Variants in EFCAB11 observed in about 807,000 individuals in gnomAD.
The protein encoded by EFCAB11 is EF-hand calcium binding domain 11.
In EFCAB11, 14 loss-of-function variants were observed where a neutral mutation model predicts 23.0. The ratio of observed to expected loss-of-function variants is 0.61; its 90% confidence interval spans 0.40 to 0.95. EFCAB11 has a LOEUF of 0.95. Among genes scored for constraint, EFCAB11 ranks in the 40% least tolerant of loss-of-function variants. EFCAB11 has a pLI of 0.00. For synonymous variants in EFCAB11, 65 were observed against 66.6 expected, an observed-to-expected ratio of 0.98 and a Z score of 0.11; for missense variants, 198 against 195.8, an observed-to-expected ratio of 1.01 and a Z score of -0.07.
intron 5 of EFCAB11, among the ~76,000 whole-genome samples, chr14:89,881,774 C>T (rs1251682661): frequency 6.6e-6 from 1 of 151,940 alleles, no homozygotes; most frequent in Non-Finnish European, 1.5e-5. Context: ...TCAAATTCTA[C>T]TACCAACTAT....
At chr14:89,871,463 C>T (rs1320757715) in intron 5 of EFCAB11, among the ~76,000 whole-genome samples, 2 of 152,154 alleles carry the variant, frequency 1.3e-5, no homozygotes, top group East Asian at 3.8e-4. Context: ...GGAAGTCTTC[C>T]TGCCTGGAGG....
chr14:89,823,572 A>G (rs185047727), intron 5 of EFCAB11, among the ~76,000 whole-genome samples: 14 of 152,358 alleles, frequency 9.2e-5, no homozygotes, highest in Admixed American at 2.0e-4. Flanking sequence ...ATTACTATAC[A>G]TGCTAAGAAG....
chr14:89,834,424 A>C (rs969920072), intron 5 of EFCAB11, among the ~76,000 whole-genome samples: 1 of 150,732 alleles, frequency 6.6e-6, no homozygotes, highest in Non-Finnish European at 1.5e-5. Flanking sequence ...TAAACTTCTA[A>C]AGATTTGTGA....
intron 3 of EFCAB11, among the ~76,000 whole-genome samples, chr14:89,938,656 T>A (rs1410243913): frequency 6.6e-6 from 1 of 152,114 alleles, no homozygotes; most frequent in East Asian, 1.9e-4. Flanking sequence ...GTGTGATGGC[T>A]CACATCTGTA....
Position 89,794,836 on chromosome 14 carries a change from C to T in EFCAB11, c.*2407G>A, listed in dbSNP as rs1423673500. 6.6e-6 allele frequency: 1 copy of T among 151,828 alleles called. No homozygotes were observed. The highest frequency in any genetic ancestry group is 1.5e-5 in the Non-Finnish European group (1 of 67,966). The allele number at this position is 151,828 out of a possible 1,614,324, so 9.4% of individuals were successfully genotyped here. On this transcript the variant is annotated 3_prime_UTR_variant, in exon 6 of 6. Coordinates refer to ENST00000316738, the MANE Select transcript of EFCAB11 (RefSeq NM_145231.4). Reference sequence around the variant, plus strand: ...AAATTGTGAAAATAGTAGAGGGTTCCCATATACCTCACCCAGTTTCCCCTA... The same window carrying T: ...AAATTGTGAAAATAGTAGAGGGTTCTCATATACCTCACCCAGTTTCCCCTA...
chr14:89,814,321 G>A (rs1886254578), intron 5 of EFCAB11, among the ~76,000 whole-genome samples: 1 of 152,124 alleles, frequency 6.6e-6, no homozygotes, highest in South Asian at 2.1e-4. Context: ...GGGACAAAGG[G>A]CTCTACTGAC....
At chr14:89,867,260 T>C (rs994354745) in intron 5 of EFCAB11, among the ~76,000 whole-genome samples, 1 of 152,188 alleles carries the variant, frequency 6.6e-6, no homozygotes, top group East Asian at 1.9e-4. Context: ...CGACCCTGCC[T>C]TATATAGGCA....
intron 5 of EFCAB11, among the ~76,000 whole-genome samples, chr14:89,822,427 G>A (rs1886553432): frequency 1.3e-5 from 2 of 152,170 alleles, no homozygotes; most frequent in Admixed American, 6.5e-5. Context: ...TTGAGTCACT[G>A]TTTTAAAATT....
At chr14:89,829,698 T>C (rs1359862705) in intron 5 of EFCAB11, 1 of 152,190 alleles carries the variant, frequency 6.6e-6, no homozygotes. Context: ...GGAAGAACAG[T>C]TTCTGCAGAT....
At chr14:89,816,406 C>G (rs1470528785) in intron 5 of EFCAB11, among the ~76,000 whole-genome samples, 3 of 151,960 alleles carry the variant, frequency 2.0e-5, no homozygotes, top group Admixed American at 2.0e-4. Flanking sequence ...AACATTAGAG[C>G]AAAAGATTAA....
intron 5 of EFCAB11, among the ~76,000 whole-genome samples, chr14:89,875,841 T>C (rs1888420907): frequency 6.6e-6 from 1 of 151,886 alleles, no homozygotes; most frequent in Non-Finnish European, 1.5e-5. Flanking sequence ...CAGAGAAGTA[T>C]ACTGGTAAGG....
chr14:89,953,207 GAA>G (rs374879381), intron 2 of EFCAB11, among the ~76,000 whole-genome samples: 3 of 128,432 alleles, frequency 2.3e-5, no homozygotes. Context: ...AATGTTGGCA[GAA>G]AAAAAAAAAA....
At chr14:89,921,072 A>AAAAAAAG (rs796207560) in intron 5 of EFCAB11, among the ~76,000 whole-genome samples, 1 of 147,520 alleles carries the variant, frequency 6.8e-6, no homozygotes, top group African/African-American at 2.7e-5. Context: ...CTAAAAAAAA[A>AAAAAAAG]AAAAGAAAAG....
chr14:89,835,644 T>TGTGTGTGTG (rs1223325732), intron 5 of EFCAB11, among the ~76,000 whole-genome samples: 131 of 57,898 alleles, frequency 2.3e-3, no homozygotes, highest in African/African-American at 5.4e-3. Flanking sequence ...GTGTGTGTGT[T>TGTGTGTGTG]TGAGACGTTG....
rs183303359 is a variant in EFCAB11, at chr14:89,821,053, G to A, written c.411-23729C>T. On this transcript the variant is annotated intron_variant, in intron 5 of 5. Coordinates refer to ENST00000316738, the MANE Select transcript of EFCAB11 (RefSeq NM_145231.4). ...ATTTTTTATTTTTTGTAGAGATGGG[G>A]GTCTCACTATCTTGCCCAGGATGGT... Among the ~76,000 whole-genome samples, 410 of 152,038 alleles carry A rather than the reference G, an allele frequency of 2.7e-3. 5 individuals carry two copies. Among genetic ancestry groups the A allele is most frequent in the Non-Finnish European group, 3.6e-3 (245 of 67,986 alleles).
intron 5 of EFCAB11, among the ~76,000 whole-genome samples, chr14:89,821,331 G>A (rs890468424): frequency 1.1e-4 from 16 of 152,132 alleles, no homozygotes; most frequent in African/African-American, 3.6e-4. Flanking sequence ...GTCTCCAGCC[G>A]GCAGCCTTCC....
chr14:89,850,790 G>A (rs2140139069), intron 5 of EFCAB11, among the ~76,000 whole-genome samples: 1 of 152,304 alleles, frequency 6.6e-6, no homozygotes, highest in Middle Eastern at 3.4e-3. Flanking sequence ...AGGGAAAAGA[G>A]GAAGTTAATA....
intron 5 of EFCAB11, among the ~76,000 whole-genome samples, chr14:89,915,116 T>C (rs932280277): frequency 1.8e-4 from 27 of 152,188 alleles, no homozygotes; most frequent in African/African-American, 6.3e-4. Context: ...AACATCACTC[T>C]TCTTCTCTGT....
chr14:89,824,458 T>C (rs1209474488), intron 5 of EFCAB11, among the ~76,000 whole-genome samples: 12 of 151,546 alleles, frequency 7.9e-5, no homozygotes, highest in Non-Finnish European at 1.5e-5. Flanking sequence ...GAAATAAAGG[T>C]AGAAAAGGGG....
Sources: gnomAD v4.1 joint callset for allele counts (sites outside exome capture counted in the v4.1 genomes callset) on GRCh38, gnomAD v4.1.1 for gene constraint, MANE v1.5 for transcripts, NCBI Gene and HGNC (gene_info 2026-07-23, HGNC 2026-07-21) for gene names.